The following TBL1XR1 variants were observed in gnomAD, a reference collection of about 807,000 sequenced individuals.
TBL1XR1 encodes TBL1X/Y related 1.
A neutral mutation model predicts 66.9 loss-of-function variants in TBL1XR1; 5 were observed. The observed-to-expected ratio is 0.07, with a 90% confidence interval of 0.04 to 0.16. TBL1XR1 has a LOEUF of 0.16. TBL1XR1 is among the 10% of genes least tolerant of loss of function. The probability of loss-of-function intolerance (pLI) is 1.00; values close to 1 mark genes in which losing one functional copy is unlikely to be tolerated. For missense variants in TBL1XR1, 238 were observed against 623.2 expected (o/e 0.38, Z 6.58); for synonymous variants, 210 against 206.0 (o/e 1.02, Z -0.17).
chr3:177,087,202 GTTGA>G (rs1038957452), intron 2 of TBL1XR1, among the ~76,000 whole-genome samples: 11 of 143,108 alleles, frequency 7.7e-5, no homozygotes, highest in African/African-American at 2.6e-4. Flanking sequence ...CCATTTTGGG[GTTGA>G]TTTTTACTTA....
rs150358037 is a variant in TBL1XR1, at chr3:177,184,609, T to C, written c.-122+12512A>G. ...CTTAGGTCAGGAGTTCAAGACCAGC[T>C]TGTCCAACATGGTGAAATCCCGTCT... On this transcript the variant is annotated intron_variant, in intron 1 of 15. Transcript: ENST00000457928. 5.9e-3 allele frequency among the ~76,000 whole-genome samples: 892 copies of C among 152,110 alleles called. 11 individuals carry two copies. The highest frequency in any genetic ancestry group is 0.021 in the African/African-American group (859 of 41,488).
At chr3:177,063,119 AAAAC>A (rs566309229) in intron 3 of TBL1XR1, among the ~76,000 whole-genome samples, 102 of 152,250 alleles carry the variant, frequency 6.7e-4, no homozygotes, top group Admixed American at 2.4e-3. Context: ...TCCGTCTCAA[AAAAC>A]AAACAAACAA....
chr3:177,159,047 A>C (rs780010562), intron 1 of TBL1XR1, among the ~76,000 whole-genome samples: 8 of 152,308 alleles, frequency 5.3e-5, no homozygotes, highest in Non-Finnish European at 1.2e-4. Context: ...TAAAAGTTTT[A>C]ATTCTCCTAA....
chr3:177,047,233 G>C, intron 9 of TBL1XR1, 67 bp downstream of exon 9: 1 of 1,353,262 alleles, frequency 7.4e-7, no homozygotes, highest in Middle Eastern at 2.6e-4. Context: ...TGGCAGCTAA[G>C]ACAAAATACT....
intron 1 of TBL1XR1, among the ~76,000 whole-genome samples, chr3:177,166,641 T>TA (rs974197680): frequency 6.6e-6 from 1 of 152,204 alleles, no homozygotes; most frequent in Non-Finnish European, 1.5e-5. Flanking sequence ...GCCATGATTG[T>TA]AAGTTTCCTG....
chr3:177,089,936 A>ATATG (rs1722620157), intron 2 of TBL1XR1, among the ~76,000 whole-genome samples: 2 of 152,018 alleles, frequency 1.3e-5, no homozygotes, highest in Admixed American at 1.3e-4. Flanking sequence ...TAAAAGACAT[A>ATATG]TATGTATCAA....
intron 1 of TBL1XR1, among the ~76,000 whole-genome samples, chr3:177,134,598 T>C (rs759173072): frequency 1.4e-4 from 21 of 152,188 alleles, no homozygotes; most frequent in Non-Finnish European, 2.1e-4. Context: ...ATAATTCCGG[T>C]CTTTCCCCCT....
chr3:177,144,642 T>C (rs1213547165), intron 1 of TBL1XR1, among the ~76,000 whole-genome samples: 1 of 151,518 alleles, frequency 6.6e-6, no homozygotes, highest in Non-Finnish European at 1.5e-5. Context: ...TAGTTCCAGC[T>C]ACTCAGAGGC....
chr3:177,195,418 C>T (rs1346316787), intron 1 of TBL1XR1, among the ~76,000 whole-genome samples: 3 of 69,882 alleles, frequency 4.3e-5, no homozygotes, highest in African/African-American at 7.1e-5. Context: ...ACAAAGGTGC[C>T]CTACTTCCCC....
In TBL1XR1 at chr3:177,092,326, A is replaced by G. The variant is rs536365180; in HGVS notation, c.-46+6140T>C. 8.5e-5 allele frequency among the ~76,000 whole-genome samples: 13 copies of G among 152,312 alleles called. No individual in the cohort carries two copies. The South Asian group carries it at 2.3e-3, about 27-fold the overall frequency. The stretch of plus-strand genomic sequence containing the variant: ...TAGATTAATCTTAATTCATTAGATG[A>G]AGCCTTTAGCTATAACCACCAATTT... On this transcript the variant is annotated intron_variant, in intron 2 of 15. Transcript: ENST00000457928.
chr3:177,197,964 A>G (rs1469282173), upstream of TBL1XR1, among the ~76,000 whole-genome samples: 5 of 150,114 alleles, frequency 3.3e-5, no homozygotes, highest in African/African-American at 1.2e-4. Context: ...CCGCCGGCGA[A>G]GTTTCCCCAA....
At chr3:177,183,685 A>G (rs1735086340) in intron 1 of TBL1XR1, among the ~76,000 whole-genome samples, 1 of 151,888 alleles carries the variant, frequency 6.6e-6, no homozygotes, top group Non-Finnish European at 1.5e-5. Flanking sequence ...TTTTTTCCTC[A>G]AACTCCTGAC....
At chr3:177,059,531 C>CA (rs1163729115) in intron 3 of TBL1XR1, among the ~76,000 whole-genome samples, 2 of 151,788 alleles carry the variant, frequency 1.3e-5, no homozygotes. Flanking sequence ...ATAATCATCT[C>CA]AAAAAACAAA....
At chr3:177,183,756 C>A (rs1002561319) in intron 1 of TBL1XR1, among the ~76,000 whole-genome samples, 1 of 151,940 alleles carries the variant, frequency 6.6e-6, no homozygotes, top group African/African-American at 2.4e-5. Flanking sequence ...TGAGCCACTG[C>A]GCCCGACCAA....
At chr3:177,107,219 T>G (rs867499108) in intron 1 of TBL1XR1, among the ~76,000 whole-genome samples, 4 of 152,198 alleles carry the variant, frequency 2.6e-5, no homozygotes, top group Admixed American at 6.5e-5. Flanking sequence ...AGATATTAGG[T>G]TCAGAATTCT....
At chr3:177,137,417 G>A (rs747614861) in intron 1 of TBL1XR1, among the ~76,000 whole-genome samples, 1 of 152,198 alleles carries the variant, frequency 6.6e-6, no homozygotes, top group Non-Finnish European at 1.5e-5. Flanking sequence ...AACTGATTAA[G>A]CCCATGAGGT....
At chr3:177,142,993 C>A (rs1371615622) in intron 1 of TBL1XR1, among the ~76,000 whole-genome samples, 1 of 151,478 alleles carries the variant, frequency 6.6e-6, no homozygotes, top group Admixed American at 6.6e-5. Context: ...TTTAGTGCCA[C>A]GTTTTTGCAT....
chr3:177,050,644 T>A, intron 5 of TBL1XR1, 34 bp from the exon 6 acceptor site: 2 of 1,612,446 alleles, frequency 1.2e-6, no homozygotes, highest in Non-Finnish European at 1.7e-6. Context: ...CATTTCCAGT[T>A]AGGCAGTATT....
At chr3:177,100,527 G>C (rs1460770150) in intron 1 of TBL1XR1, among the ~76,000 whole-genome samples, 1 of 151,904 alleles carries the variant, frequency 6.6e-6, no homozygotes, top group Non-Finnish European at 1.5e-5. Flanking sequence ...GAGTTCAAGT[G>C]GTTCTCCTGG....
Sources: allele counts gnomAD v4.1 joint callset (sites outside exome capture counted in the v4.1 genomes callset), GRCh38; gene constraint gnomAD v4.1.1; transcripts MANE v1.5; gene names NCBI Gene and HGNC (gene_info 2026-07-23, HGNC 2026-07-21).